OR10J1: variants seen among roughly 807,000 people sequenced by gnomAD.
The protein encoded by OR10J1 is olfactory receptor family 10 subfamily J member 1.
For synonymous variants in OR10J1, 202 were observed against 143.8 expected (o/e 1.40, Z -2.89); for missense variants, 474 against 376.6 (o/e 1.26, Z -2.14).
At chr1:159,418,500 C>T in the OR10J1 span, among the ~76,000 whole-genome samples, 1 of 152,164 alleles carries the variant, frequency 6.6e-6, no homozygotes, top group Non-Finnish European at 1.5e-5. Flanking sequence ...TGCAGGTGAA[C>T]AGAAGTCAAG....
the OR10J1 span, among the ~76,000 whole-genome samples, chr1:159,418,675 G>A: frequency 6.6e-6 from 1 of 152,170 alleles, no homozygotes; most frequent in South Asian, 2.1e-4. Context: ...GTCCTTACTG[G>A]GACACTGGCT....
chr1:159,438,528 T>C (rs1420056214), upstream of OR10J1, among the ~76,000 whole-genome samples: 2 of 152,236 alleles, frequency 1.3e-5, no homozygotes, highest in Non-Finnish European at 2.9e-5. Flanking sequence ...AAGACAAATG[T>C]CTTTAGACAT....
chr1:159,430,640 G>GGTGTGTGTGTGTGTGTGTGTGTGT, the OR10J1 span, among the ~76,000 whole-genome samples: 5 of 140,828 alleles, frequency 3.6e-5, no homozygotes, highest in Non-Finnish European at 7.6e-5. Flanking sequence ...AAAAAATTAT[G>GGTGTGTGTGTGTGTGTGTGTGTGT]GTGTGTGTGT....
chr1:159,419,724 G>C, the OR10J1 span, among the ~76,000 whole-genome samples: 1 of 152,104 alleles, frequency 6.6e-6, no homozygotes, highest in Non-Finnish European at 1.5e-5. Context: ...TCAATTTGTT[G>C]AGACTTGTTT....
the OR10J1 span, among the ~76,000 whole-genome samples, chr1:159,415,630 G>A: frequency 6.2e-4 from 94 of 152,072 alleles, 1 homozygote; most frequent in African/African-American, 2.0e-3. Context: ...TTTGAATGGA[G>A]ATTGCATTGG....
the OR10J1 span, among the ~76,000 whole-genome samples, chr1:159,407,962 A>G: frequency 6.6e-6 from 1 of 152,132 alleles, no homozygotes; most frequent in Non-Finnish European, 1.5e-5. Context: ...GGGTGCTATG[A>G]TAGAGCTTAG....
Position 159,440,440 on chromosome 1 carries a change from T to A in OR10J1, c.649T>A (p.Tyr217Asn), listed in dbSNP as rs1486190773. Residue 217 changes from tyrosine (Y) to asparagine (N), a missense_variant, in exon 1 of 1, where the codon TAT (tyrosine) becomes AAT (asparagine). Coordinates refer to ENST00000423932, the MANE Select transcript of OR10J1 (RefSeq NM_012351.3). ...ACCTATGGGTCTGGTTTTCATTTCT[T>A]ATGTTCTCATTATCTCTACAATCCT... is the stretch of plus-strand genomic sequence containing the variant. ...VVPMGLVFISYVLIISTILKI... is the reference protein window; with the variant it reads ...VVPMGLVFISNVLIISTILKI... The A allele has an allele frequency of 6.2e-7, 1 of 1,614,164 alleles. No individual in the cohort carries two copies. The highest frequency in any genetic ancestry group is 8.5e-7 in the Non-Finnish European group (1 of 1,180,026).
chr1:159,429,445 G>A, the OR10J1 span, among the ~76,000 whole-genome samples: 1 of 152,128 alleles, frequency 6.6e-6, no homozygotes, highest in East Asian at 1.9e-4. Context: ...AACATGATTG[G>A]TTCTGAGGCC....
chr1:159,412,736 A>T, the OR10J1 span, among the ~76,000 whole-genome samples: 48 of 151,978 alleles, frequency 3.2e-4, no homozygotes, highest in African/African-American at 1.0e-3. Flanking sequence ...TAAAAACCCT[A>T]GAAGAAAACC....
the OR10J1 span, chr1:159,405,817 T>A: frequency 3.9e-6 from 5 of 1,270,530 alleles, no homozygotes; most frequent in East Asian, 7.4e-5. Flanking sequence ...GCAGGCCAGC[T>A]TCAGCAGGGG....
At chr1:159,431,015 C>G in the OR10J1 span, among the ~76,000 whole-genome samples, 145 of 152,192 alleles carry the variant, frequency 9.5e-4, 2 homozygotes, top group African/African-American at 2.2e-3. Context: ...CTTATAGTTA[C>G]TAGTGTTTTA....
At chr1:159,419,264 C>T in the OR10J1 span, among the ~76,000 whole-genome samples, 1 of 152,246 alleles carries the variant, frequency 6.6e-6, no homozygotes, top group African/African-American at 2.4e-5. Flanking sequence ...GACTCTGACC[C>T]TACCCAAATC....
the OR10J1 span, among the ~76,000 whole-genome samples, chr1:159,423,988 G>T: frequency 1.3e-5 from 2 of 152,120 alleles, no homozygotes; most frequent in Non-Finnish European, 2.9e-5. Flanking sequence ...AGGCTGAGGC[G>T]AGTGGGTCAC....
chr1:159,434,192 G>T (rs1400565452), upstream of OR10J1, among the ~76,000 whole-genome samples: 7 of 152,126 alleles, frequency 4.6e-5, no homozygotes, highest in Admixed American at 4.6e-4. Flanking sequence ...GCAGAATCAG[G>T]ATTTAAACAC....
the OR10J1 span, among the ~76,000 whole-genome samples, chr1:159,418,475 A>G: frequency 2.0e-5 from 3 of 152,198 alleles, no homozygotes; most frequent in African/African-American, 7.2e-5. Flanking sequence ...GGCAGCTGCC[A>G]TGTGGTGTCG....
the OR10J1 span, chr1:159,432,587 C>A: frequency 1.9e-5 from 9 of 471,484 alleles, no homozygotes; most frequent in East Asian, 2.8e-4. Context: ...TGGCCATCTG[C>A]AACCCTCTAC....
the OR10J1 span, among the ~76,000 whole-genome samples, chr1:159,426,093 T>C: frequency 6.6e-6 from 1 of 151,748 alleles, no homozygotes; most frequent in Non-Finnish European, 1.5e-5. Context: ...TAGTAAACAA[T>C]GGAAACAAAT....
chr1:159,422,044 A>G, the OR10J1 span, among the ~76,000 whole-genome samples: 2 of 152,132 alleles, frequency 1.3e-5, no homozygotes, highest in African/African-American at 4.8e-5. Context: ...ACAGGCCTGC[A>G]GGTGGCACAT....
At chr1:159,404,993 G>A in the OR10J1 span, among the ~76,000 whole-genome samples, 3 of 152,070 alleles carry the variant, frequency 2.0e-5, no homozygotes, top group Admixed American at 2.0e-4. Context: ...CCATGATAAT[G>A]GTGGTGCAAG....
Sources: gnomAD v4.1 joint callset for allele counts (sites outside exome capture counted in the v4.1 genomes callset) on GRCh38, gnomAD v4.1.1 for gene constraint, MANE v1.5 for transcripts, NCBI Gene and HGNC (gene_info 2026-07-23, HGNC 2026-07-21) for gene names.